Variants in CNTNAP2 observed in about 807,000 individuals in gnomAD.
CNTNAP2 encodes contactin-associated protein-like 2.
A neutral mutation model predicts 155.2 loss-of-function variants in CNTNAP2; 98 were observed. That is an observed-to-expected ratio of 0.63 (90% CI 0.54 to 0.75). The LOEUF is 0.75. Ranked by LOEUF, CNTNAP2 falls within the 30% of genes least tolerant of loss-of-function variation. The probability of loss-of-function intolerance (pLI) is 0.00; values close to 1 mark genes in which losing one functional copy is unlikely to be tolerated. For synonymous variants in CNTNAP2, 651 were observed against 631.2 expected, an observed-to-expected ratio of 1.03 and a Z score of -0.47; for missense variants, 1,727 against 1,688.1, an observed-to-expected ratio of 1.02 and a Z score of -0.40.
chr7:146,988,923 C>T (rs544921799), intron 3 of CNTNAP2, among the ~76,000 whole-genome samples: 93 of 152,294 alleles, frequency 6.1e-4, no homozygotes, highest in African/African-American at 2.1e-3. Flanking sequence ...TGTTTTTCAG[C>T]TTCCTGATGA....
intron 12 of CNTNAP2, among the ~76,000 whole-genome samples, chr7:147,638,503 G>T (rs558744801): frequency 6.6e-6 from 1 of 151,914 alleles, no homozygotes; most frequent in Non-Finnish European, 1.5e-5. Context: ...TTCTTTTCTC[G>T]CAGTGAAATT....
intron 1 of CNTNAP2, among the ~76,000 whole-genome samples, chr7:146,346,498 A>T (rs537371998): frequency 2.6e-5 from 4 of 152,274 alleles, no homozygotes; most frequent in African/African-American, 9.6e-5. Context: ...CCTGACCAGC[A>T]TGGTGAAACC....
At chr7:148,379,637 C>A (rs931396919) in intron 21 of CNTNAP2, among the ~76,000 whole-genome samples, 1 of 152,096 alleles carries the variant, frequency 6.6e-6, no homozygotes, top group Non-Finnish European at 1.5e-5. Context: ...TGCTTGAGCC[C>A]GGGAGGTTGA....
chr7:146,251,443 G>A (rs191373018), intron 1 of CNTNAP2, among the ~76,000 whole-genome samples: 2 of 152,168 alleles, frequency 1.3e-5, no homozygotes, highest in East Asian at 3.9e-4. Context: ...ATTTTAAAAT[G>A]CATCTCTTTT....
At chr7:148,327,899 T>C (rs1233106803) in intron 21 of CNTNAP2, among the ~76,000 whole-genome samples, 3 of 150,282 alleles carry the variant, frequency 2.0e-5, no homozygotes, top group African/African-American at 7.3e-5. Flanking sequence ...CTGGATCCAC[T>C]CACATGGATC....
chr7:148,120,460 T>C (rs956356892), intron 16 of CNTNAP2, among the ~76,000 whole-genome samples: 1 of 151,908 alleles, frequency 6.6e-6, no homozygotes, highest in Non-Finnish European at 1.5e-5. Context: ...CACTGCGGGA[T>C]CTCGCCATGT....
chr7:147,091,881 C>G (rs1366161948), intron 4 of CNTNAP2, among the ~76,000 whole-genome samples: 3 of 151,970 alleles, frequency 2.0e-5, no homozygotes, highest in Non-Finnish European at 4.4e-5. Flanking sequence ...GCTGGGATTA[C>G]AGGCGTGAGC....
At chr7:147,689,158 T>G (rs1462369817) in intron 13 of CNTNAP2, among the ~76,000 whole-genome samples, 1 of 151,862 alleles carries the variant, frequency 6.6e-6, no homozygotes, top group Non-Finnish European at 1.5e-5. Context: ...CTACTTTTTT[T>G]TTTTTTTTTG....
At chr7:148,147,834 T>C (rs1441893243) in intron 17 of CNTNAP2, 125 bp downstream of exon 17, 1 of 954,784 alleles carries the variant, frequency 1.0e-6, no homozygotes, top group African/African-American at 1.7e-5. Context: ...AGTAAAGGTG[T>C]TGGCCTCTTG....
At chr7:147,576,143 T>G (rs957953412) in intron 12 of CNTNAP2, among the ~76,000 whole-genome samples, 3 of 152,024 alleles carry the variant, frequency 2.0e-5, no homozygotes, top group African/African-American at 7.2e-5. Flanking sequence ...TCTGGTTAAC[T>G]GGATTCTAGA....
intron 1 of CNTNAP2, among the ~76,000 whole-genome samples, chr7:146,159,295 T>G (rs1180782570): frequency 6.6e-6 from 1 of 152,140 alleles, no homozygotes. Context: ...TATGCCAAAT[T>G]GTAAAGACCA....
intron 5 of CNTNAP2, among the ~76,000 whole-genome samples, chr7:147,120,445 G>A (rs939824717): frequency 5.9e-5 from 9 of 152,036 alleles, no homozygotes; most frequent in African/African-American, 1.7e-4. Context: ...AAAAGCCCAC[G>A]TGACACTGAC....
chr7:146,445,751 G>A (rs1233515175), intron 1 of CNTNAP2, among the ~76,000 whole-genome samples: 1 of 152,100 alleles, frequency 6.6e-6, no homozygotes, highest in Non-Finnish European at 1.5e-5. Flanking sequence ...AATGAGGGAG[G>A]GAGAAAGAAT....
chr7:146,899,582 C>A (rs1240082815), intron 3 of CNTNAP2, among the ~76,000 whole-genome samples: 2 of 152,136 alleles, frequency 1.3e-5, no homozygotes, highest in Non-Finnish European at 1.5e-5. Context: ...TGTAATAAAA[C>A]AGGTTGGTGT....
rs1011211473 is a variant in CNTNAP2, at chr7:146,811,690, T to C, written c.209-28021T>C. ...AAACTTCTGATAAGGTTTAGCTGTGTCTGCACCCAAATCCTATCTTAAATT... is the reference window on the plus strand; with the variant it reads ...AAACTTCTGATAAGGTTTAGCTGTGCCTGCACCCAAATCCTATCTTAAATT... On this transcript the variant is annotated intron_variant, in intron 2 of 23. Coordinates refer to ENST00000361727, the MANE Select transcript of CNTNAP2 (RefSeq NM_014141.6). Among the ~76,000 whole-genome samples the C allele has an allele frequency of 3.3e-5, 5 of 152,206 alleles. 1 individual carries two copies. The highest frequency in any genetic ancestry group is 1.2e-4 in the African/African-American group (5 of 41,452).
At chr7:148,207,665 C>A (rs938330977) in intron 18 of CNTNAP2, among the ~76,000 whole-genome samples, 7 of 152,116 alleles carry the variant, frequency 4.6e-5, no homozygotes, top group Non-Finnish European at 1.0e-4. Context: ...ACACTTCCCC[C>A]AAAATGATAT....
intron 21 of CNTNAP2, among the ~76,000 whole-genome samples, chr7:148,309,165 T>A (rs1797546294): frequency 6.6e-6 from 1 of 152,200 alleles, no homozygotes; most frequent in African/African-American, 2.4e-5. Context: ...GCCTAGATTT[T>A]CTAGAGGAAT....
At chr7:146,825,279 A>G (rs1442182531) in intron 2 of CNTNAP2, among the ~76,000 whole-genome samples, 1 of 152,142 alleles carries the variant, frequency 6.6e-6, no homozygotes, top group Non-Finnish European at 1.5e-5. Flanking sequence ...GTAGTTAGTC[A>G]TTGAAGTAGC....
chr7:147,212,507 T>C (rs1204715188), intron 8 of CNTNAP2, among the ~76,000 whole-genome samples: 1 of 152,170 alleles, frequency 6.6e-6, no homozygotes, highest in African/African-American at 2.4e-5. Context: ...ATACCCTATG[T>C]TCACAATTAT....
Sources: gnomAD v4.1 joint callset for allele counts (sites outside exome capture counted in the v4.1 genomes callset) on GRCh38, gnomAD v4.1.1 for gene constraint, MANE v1.5 for transcripts, NCBI Gene and HGNC (gene_info 2026-07-23, HGNC 2026-07-21) for gene names.